FTO: variants seen among roughly 807,000 people sequenced by gnomAD.
The protein encoded by FTO is alpha-ketoglutarate-dependent dioxygenase FTO.
A neutral mutation model predicts 63.9 loss-of-function variants in FTO; 47 were observed. That is an observed-to-expected ratio of 0.74 (90% CI 0.58 to 0.94). The LOEUF (loss-of-function observed/expected upper bound fraction) is 0.94, where lower values mean the gene tolerates loss of function less well. Among genes scored for constraint, FTO ranks in the 40% least tolerant of loss-of-function variants. The pLI, the probability that FTO is intolerant of heterozygous loss-of-function variation, is 0.00. For missense variants in FTO, 562 were observed against 618.1 expected (o/e 0.91, Z 0.96); for synonymous variants, 207 against 224.4 (o/e 0.92, Z 0.69).
chr16:53,849,328 T>G (rs929458585), intron 4 of FTO, among the ~76,000 whole-genome samples: 1 of 152,204 alleles, frequency 6.6e-6, no homozygotes, highest in African/African-American at 2.4e-5. Flanking sequence ...AAGTGCAGAC[T>G]TGTGAAGAGT....
chr16:54,015,657 C>G (rs2084426849), intron 8 of FTO, among the ~76,000 whole-genome samples: 1 of 152,234 alleles, frequency 6.6e-6, no homozygotes, highest in African/African-American at 2.4e-5. Flanking sequence ...ACGACTATTA[C>G]TATTTCCTGA....
intron 1 of FTO, among the ~76,000 whole-genome samples, chr16:53,757,641 A>G (rs1166006099): frequency 6.6e-6 from 1 of 152,218 alleles, no homozygotes; most frequent in African/African-American, 2.4e-5. Context: ...TGGGGCTTTT[A>G]TAAGTCTATG....
At chr16:54,022,922 A>G (rs2084633362) in intron 8 of FTO, among the ~76,000 whole-genome samples, 1 of 152,232 alleles carries the variant, frequency 6.6e-6, no homozygotes, top group African/African-American at 2.4e-5. Context: ...TATACACGGG[A>G]GCTAACAGAT....
chr16:53,762,098 A>C (rs971532147), intron 1 of FTO, among the ~76,000 whole-genome samples: 7 of 152,196 alleles, frequency 4.6e-5, no homozygotes, highest in Non-Finnish European at 8.8e-5. Flanking sequence ...CTGACTAGTC[A>C]TTATACTGAG....
chr16:53,944,083 G>C (rs1404192367), intron 8 of FTO, among the ~76,000 whole-genome samples: 1 of 152,294 alleles, frequency 6.6e-6, no homozygotes, highest in East Asian at 1.9e-4. Flanking sequence ...CTTCATAAAT[G>C]CTGGGTTTTG....
intron 8 of FTO, among the ~76,000 whole-genome samples, chr16:54,009,492 T>C (rs1377160466): frequency 6.6e-6 from 1 of 152,152 alleles, no homozygotes; most frequent in Non-Finnish European, 1.5e-5. Context: ...TGGATGCCTA[T>C]AAACGGATCA....
intron 1 of FTO, among the ~76,000 whole-genome samples, chr16:53,747,302 C>A (rs1278400857): frequency 6.6e-6 from 1 of 152,128 alleles, no homozygotes; most frequent in Non-Finnish European, 1.5e-5. Flanking sequence ...GATTCACATT[C>A]CCACCAACAG....
intron 7 of FTO, among the ~76,000 whole-genome samples, chr16:53,924,119 T>A (rs2082079234): frequency 6.6e-6 from 1 of 152,228 alleles, no homozygotes; most frequent in South Asian, 2.1e-4. Context: ...TTCATACACA[T>A]AATGCTGCTG....
intron 8 of FTO, among the ~76,000 whole-genome samples, chr16:53,960,856 T>A (rs914117424): frequency 1.3e-5 from 2 of 152,164 alleles, no homozygotes; most frequent in Admixed American, 1.3e-4. Flanking sequence ...TAAACTTGTT[T>A]GGATTTCTCT....
intron 6 of FTO, among the ~76,000 whole-genome samples, chr16:53,881,619 A>G (rs1000424810): frequency 7.9e-5 from 12 of 152,226 alleles, no homozygotes; most frequent in African/African-American, 2.9e-4. Context: ...ATCAGTTGCA[A>G]TTCTGCAGTC....
intron 1 of FTO, among the ~76,000 whole-genome samples, chr16:53,704,947 G>T (rs1353443881): frequency 3.3e-5 from 5 of 152,042 alleles, no homozygotes; most frequent in African/African-American, 1.2e-4. Flanking sequence ...GAAGCATTGA[G>T]TGTTTTCCTT....
chr16:54,061,675 G>A (rs1382265161), intron 8 of FTO: 1 of 152,304 alleles, frequency 6.6e-6, no homozygotes, highest in Non-Finnish European at 1.5e-5. Context: ...ACCTTCCAAA[G>A]GCAGAGCAAA....
At chr16:53,818,840 T>C (rs1296302686) in intron 2 of FTO, among the ~76,000 whole-genome samples, 1 of 152,158 alleles carries the variant, frequency 6.6e-6, no homozygotes, top group Non-Finnish European at 1.5e-5. Context: ...AAACCCTTCT[T>C]GGGCATTTTG....
chr16:53,900,608 CTTTTTTTTTTTTT>C (rs752080961), intron 7 of FTO, among the ~76,000 whole-genome samples: 3 of 67,160 alleles, frequency 4.5e-5, no homozygotes, highest in African/African-American at 1.3e-4. Context: ...TCATCTGCTC[CTTTTTTTTTTTTT>C]TTTTTTTTTT....
chr16:53,877,741 A>C (rs1007279004), intron 5 of FTO, among the ~76,000 whole-genome samples: 13 of 152,156 alleles, frequency 8.5e-5, no homozygotes, highest in African/African-American at 3.1e-4. Context: ...AAAAAAAAAA[A>C]ACCTATCTCA....
chr16:54,071,036 G>A (rs1347616186), intron 8 of FTO: 1 of 152,222 alleles, frequency 6.6e-6, no homozygotes, highest in African/African-American at 2.4e-5. Flanking sequence ...CTGGCATTGG[G>A]AATGGCATAG....
chr16:53,860,270 TATACTC>T (rs2080132425), intron 4 of FTO, among the ~76,000 whole-genome samples: 1 of 152,218 alleles, frequency 6.6e-6, no homozygotes, highest in Admixed American at 6.5e-5. Context: ...CTAACAATGT[TATACTC>T]ATAAATGCAC....
chr16:54,067,129 GGTT>G (rs199978121), intron 8 of FTO, among the ~76,000 whole-genome samples: 3 of 88,052 alleles, frequency 3.4e-5, no homozygotes, highest in African/African-American at 1.1e-4. Context: ...GGGTGTTTTT[GGTT>G]GTTGTTGTTT....
chr16:53,998,983 T>C (rs1248062889), intron 8 of FTO, among the ~76,000 whole-genome samples: 15 of 152,110 alleles, frequency 9.9e-5, no homozygotes, highest in African/African-American at 3.1e-4. Context: ...AGTAACCCTT[T>C]CCCTCCAAAA....
Sources: gnomAD v4.1 joint callset for allele counts (sites outside exome capture counted in the v4.1 genomes callset) on GRCh38, gnomAD v4.1.1 for gene constraint, MANE v1.5 for transcripts, NCBI Gene and HGNC (gene_info 2026-07-23, HGNC 2026-07-21) for gene names.